Variants in INTS9 observed in about 807,000 individuals in gnomAD.
INTS9 encodes protein related to CPSF subunits of 74 kDa.
In INTS9, 55 loss-of-function variants were observed where a neutral mutation model predicts 79.7. That is an observed-to-expected ratio of 0.69 (90% CI 0.56 to 0.86). INTS9 has a LOEUF of 0.86. Ranked by LOEUF, INTS9 falls within the 40% of genes least tolerant of loss-of-function variation. INTS9 has a pLI of 0.00. For missense variants in INTS9, 721 were observed against 831.5 expected, an observed-to-expected ratio of 0.87 and a Z score of 1.64; for synonymous variants, 319 against 325.2, an observed-to-expected ratio of 0.98 and a Z score of 0.20.
intron 10 of INTS9, 167 bp downstream of exon 10, chr8:28,793,640 A>G (rs1804033029): frequency 3.2e-6 from 2 of 617,484 alleles, no homozygotes; most frequent in Admixed American, 6.2e-5. Flanking sequence ...AAACTTAGCA[A>G]TGCAACAGAT....
chr8:28,866,297 CTCAT>C (rs1808740851), intron 1 of INTS9, among the ~76,000 whole-genome samples: 1 of 152,132 alleles, frequency 6.6e-6, no homozygotes, highest in African/African-American at 2.4e-5. Context: ...GCATGGTGAG[CTCAT>C]TTTTAGTAGG....
chr8:28,875,956 A>C (rs182917414), intron 1 of INTS9, among the ~76,000 whole-genome samples: 1 of 152,360 alleles, frequency 6.6e-6, no homozygotes, highest in Non-Finnish European at 1.5e-5. Context: ...ACAGTCATCA[A>C]CATAGTCATC....
At chr8:28,780,578 A>G in intron 12 of INTS9, 1 of 985,468 alleles carries the variant, frequency 1.0e-6, no homozygotes, top group Non-Finnish European at 1.2e-6. Context: ...AGCACTCAGC[A>G]GGATTCTGTC....
chr8:28,863,612 C>A (rs188271426), intron 1 of INTS9, among the ~76,000 whole-genome samples: 2 of 152,092 alleles, frequency 1.3e-5, no homozygotes, highest in Non-Finnish European at 2.9e-5. Context: ...CTTGTCTCTA[C>A]TAAAGATACA....
intron 14 of INTS9, among the ~76,000 whole-genome samples, chr8:28,773,169 CTG>C (rs1802646607): frequency 1.3e-5 from 2 of 152,188 alleles, no homozygotes; most frequent in South Asian, 2.1e-4. Flanking sequence ...AAATGAAAAT[CTG>C]TGAAAAAAGG....
At chr8:28,859,894 C>T (rs1024241453) in intron 1 of INTS9, among the ~76,000 whole-genome samples, 1 of 152,160 alleles carries the variant, frequency 6.6e-6, no homozygotes, top group Non-Finnish European at 1.5e-5. Flanking sequence ...TTATCATTTT[C>T]CCCTTTGTAT....
chr8:28,787,751 TA>T, intron 11 of INTS9, 77 bp downstream of exon 11: 1 of 1,004,366 alleles, frequency 1.0e-6, no homozygotes, highest in Non-Finnish European at 1.6e-6. Context: ...CTATTTCATC[TA>T]ACGACCTGCT....
intron 8 of INTS9, among the ~76,000 whole-genome samples, chr8:28,801,523 C>A (rs1025564015): frequency 2.0e-5 from 3 of 151,598 alleles, no homozygotes; most frequent in Admixed American, 1.3e-4. Context: ...ACAAAAAAAA[C>A]CCAAAAAACA....
At chr8:28,844,463 C>G (rs2131225666) in intron 4 of INTS9, among the ~76,000 whole-genome samples, 1 of 152,216 alleles carries the variant, frequency 6.6e-6, no homozygotes, top group East Asian at 1.9e-4. Flanking sequence ...TGGCTTGAGC[C>G]AGGAAGGCGG....
At chr8:28,844,892 T>C (rs1443034245) in intron 4 of INTS9, among the ~76,000 whole-genome samples, 1 of 152,216 alleles carries the variant, frequency 6.6e-6, no homozygotes, top group East Asian at 1.9e-4. Flanking sequence ...CTAGTTTCTA[T>C]ATATATTTTA....
At chr8:28,859,365 C>A (rs930370290) in intron 2 of INTS9, 71 bp downstream of exon 2, 6 of 1,525,214 alleles carry the variant, frequency 3.9e-6, no homozygotes, top group Non-Finnish European at 5.4e-6. Context: ...GTACTAGTAA[C>A]CTTCATACTA....
At chr8:28,824,956 C>T (rs1318174011) in intron 6 of INTS9, among the ~76,000 whole-genome samples, 1 of 152,148 alleles carries the variant, frequency 6.6e-6, no homozygotes, top group Non-Finnish European at 1.5e-5. Flanking sequence ...GATGCTGAGT[C>T]AAGGTTTGTC....
At chr8:28,843,016 A>T (rs921381083) in intron 4 of INTS9, among the ~76,000 whole-genome samples, 1 of 152,192 alleles carries the variant, frequency 6.6e-6, no homozygotes, top group Non-Finnish European at 1.5e-5. Flanking sequence ...AGGTGAACTC[A>T]TGGGATTATG....
At chr8:28,888,243 C>T (rs1310467718) in intron 1 of INTS9, among the ~76,000 whole-genome samples, 3 of 152,162 alleles carry the variant, frequency 2.0e-5, no homozygotes, top group Admixed American at 6.5e-5. Flanking sequence ...CTCTATTTCA[C>T]CATGAACACA....
intron 14 of INTS9, among the ~76,000 whole-genome samples, chr8:28,774,159 C>T (rs1033448280): frequency 2.6e-5 from 4 of 152,088 alleles, no homozygotes; most frequent in South Asian, 2.1e-4. Context: ...GTGAAAAAGA[C>T]GACAGTGTAT....
At chr8:28,815,656 G>A (rs1805427991) in intron 6 of INTS9, among the ~76,000 whole-genome samples, 1 of 152,030 alleles carries the variant, frequency 6.6e-6, no homozygotes, top group Non-Finnish European at 1.5e-5. Flanking sequence ...ACCTGTAATA[G>A]AAACACAAGA....
intron 4 of INTS9, among the ~76,000 whole-genome samples, chr8:28,838,482 A>C (rs1480921600): frequency 6.6e-6 from 1 of 152,056 alleles, no homozygotes; most frequent in East Asian, 1.9e-4. Flanking sequence ...AAACTCCTAA[A>C]ATTTTTCCAT....
chr8:28,798,258 G>C (rs907554356), intron 8 of INTS9: 1 of 152,242 alleles, frequency 6.6e-6, no homozygotes, highest in Non-Finnish European at 1.5e-5. Flanking sequence ...AGCAGCAGAT[G>C]TGTAAGGGGC....
At chr8:28,780,063 TTTTTTC>T (rs1803155113) in intron 12 of INTS9, among the ~76,000 whole-genome samples, 1 of 150,550 alleles carries the variant, frequency 6.6e-6, no homozygotes, top group Non-Finnish European at 1.5e-5. Context: ...GTTTTTTTTT[TTTTTTC>T]TTTTTTCTTC....
Sources: gnomAD v4.1 joint callset for allele counts (sites outside exome capture counted in the v4.1 genomes callset) on GRCh38, gnomAD v4.1.1 for gene constraint, MANE v1.5 for transcripts, NCBI Gene and HGNC (gene_info 2026-07-23, HGNC 2026-07-21) for gene names.